NAALADL2: variants seen among roughly 807,000 people sequenced by gnomAD.
NAALADL2 encodes N-acetylated alpha-linked acidic dipeptidase like 2.
In NAALADL2, 76 loss-of-function variants were observed where a neutral mutation model predicts 87.2. The observed-to-expected ratio is 0.87, with a 90% confidence interval of 0.72 to 1.05. NAALADL2 has a LOEUF of 1.05. Among genes scored for constraint, NAALADL2 ranks in the 50% least tolerant of loss-of-function variants. NAALADL2 has a pLI of 0.00. For missense variants in NAALADL2, 1,089 were observed against 945.8 expected (o/e 1.15, Z -1.99); for synonymous variants, 354 against 331.0 (o/e 1.07, Z -0.75).
chr3:174,968,489 CT>C (rs1743170119), intron 1 of NAALADL2, among the ~76,000 whole-genome samples: 1 of 151,956 alleles, frequency 6.6e-6, no homozygotes. Flanking sequence ...ACTCCACAGC[CT>C]GTTTTTCTAA....
Position 175,276,502 on chromosome 3 carries a change from A to C in NAALADL2, c.939+19972A>C, listed in dbSNP as rs151039074. ...GTATTTTTACTAGAGACTGGGTTTC[A>C]CCATATTAACCAGGATGGTCTCGAT... On this transcript the variant is annotated intron_variant, in intron 4 of 13. Coordinates refer to ENST00000454872, the MANE Select transcript of NAALADL2 (RefSeq NM_207015.3). Among the ~76,000 whole-genome samples, 261 of 151,858 alleles carry C rather than the reference A, an allele frequency of 1.7e-3. 7 individuals are homozygous for C. The East Asian group carries it at 0.042, about 25-fold the overall frequency.
At chr3:175,326,022 C>A (rs1469869823) in intron 5 of NAALADL2, among the ~76,000 whole-genome samples, 1 of 152,142 alleles carries the variant, frequency 6.6e-6, no homozygotes, top group Non-Finnish European at 1.5e-5. Flanking sequence ...TTAAAAATTC[C>A]ATTTTAAAAC....
At chr3:174,570,345 T>G (rs563375919) in intron 2 of NAALADL2, among the ~76,000 whole-genome samples, 1 of 152,284 alleles carries the variant, frequency 6.6e-6, no homozygotes, top group African/African-American at 2.4e-5. Flanking sequence ...TTATTAACAT[T>G]TGTATAGCTA....
intron 3 of NAALADL2, among the ~76,000 whole-genome samples, chr3:174,812,079 G>A (rs1003229669): frequency 1.3e-5 from 2 of 152,054 alleles, no homozygotes; most frequent in Non-Finnish European, 1.5e-5. Context: ...GCCCTACTTT[G>A]TGTACAGCCT....
At chr3:175,414,141 T>C (rs571084117) in intron 5 of NAALADL2, among the ~76,000 whole-genome samples, 7 of 152,208 alleles carry the variant, frequency 4.6e-5, no homozygotes, top group Non-Finnish European at 7.3e-5. Context: ...TAACTTGTGT[T>C]TGCTTTGTGG....
intron 1 of NAALADL2, among the ~76,000 whole-genome samples, chr3:175,035,971 T>C (rs1049949339): frequency 6.6e-6 from 1 of 152,196 alleles, no homozygotes; most frequent in Non-Finnish European, 1.5e-5. Context: ...TTAGCTTGTA[T>C]AGATGAGGCA....
At chr3:174,632,715 T>C (rs12630426) in intron 2 of NAALADL2, among the ~76,000 whole-genome samples, 57,143 of 151,576 alleles carry the variant, frequency 0.38, 12,285 homozygotes, top group African/African-American at 0.58. Context: ...GCAGGCAGAT[T>C]GCGAGGTCAG....
At chr3:175,061,111 T>A (rs1304179510) in intron 1 of NAALADL2, among the ~76,000 whole-genome samples, 2 of 152,182 alleles carry the variant, frequency 1.3e-5, no homozygotes, top group Non-Finnish European at 2.9e-5. Flanking sequence ...TACATAGTCA[T>A]GCAGTCATCC....
chr3:175,435,896 T>A (rs981074946), intron 5 of NAALADL2, among the ~76,000 whole-genome samples: 1 of 150,300 alleles, frequency 6.7e-6, no homozygotes, highest in Admixed American at 6.7e-5. Flanking sequence ...CATGTGCACA[T>A]TGTGCAGGTT....
At chr3:175,738,193 G>GA (rs1056929233) in intron 12 of NAALADL2, among the ~76,000 whole-genome samples, 2 of 152,024 alleles carry the variant, frequency 1.3e-5, no homozygotes, top group Non-Finnish European at 2.9e-5. Context: ...GTAATCCTTT[G>GA]AAAATGGATC....
intron 13 of NAALADL2, among the ~76,000 whole-genome samples, chr3:175,767,901 C>T (rs998096733): frequency 6.6e-6 from 1 of 152,144 alleles, no homozygotes; most frequent in African/African-American, 2.4e-5. Context: ...AAAGCAGATT[C>T]GGTTCTACTT....
At chr3:174,820,254 T>C (rs1413077946) in intron 3 of NAALADL2, among the ~76,000 whole-genome samples, 2 of 152,156 alleles carry the variant, frequency 1.3e-5, no homozygotes, top group Non-Finnish European at 2.9e-5. Flanking sequence ...TGTTTTAGTA[T>C]ATGGAAATAG....
At chr3:174,933,531 G>C (rs529856501) in intron 1 of NAALADL2, among the ~76,000 whole-genome samples, 67 of 152,208 alleles carry the variant, frequency 4.4e-4, no homozygotes, top group African/African-American at 1.6e-3. Context: ...CAACTATGTT[G>C]TTCTTTTTCA....
intron 11 of NAALADL2, among the ~76,000 whole-genome samples, chr3:175,638,378 A>G (rs1199248568): frequency 6.6e-6 from 1 of 152,172 alleles, no homozygotes; most frequent in Non-Finnish European, 1.5e-5. Context: ...AGATGCTCTT[A>G]CTAAAATGGT....
At chr3:174,567,505 A>T (rs1200035088) in intron 2 of NAALADL2, among the ~76,000 whole-genome samples, 2 of 151,556 alleles carry the variant, frequency 1.3e-5, no homozygotes, top group Non-Finnish European at 3.0e-5. Flanking sequence ...TGCAAATTTT[A>T]GTGCATATTA....
chr3:174,535,698 G>A (rs1721660466), intron 1 of NAALADL2, among the ~76,000 whole-genome samples: 1 of 151,936 alleles, frequency 6.6e-6, no homozygotes, highest in Admixed American at 6.6e-5. Flanking sequence ...TCATTTCTCT[G>A]GGATCTGTAT....
chr3:175,292,736 A>G (rs1458055792), intron 4 of NAALADL2, among the ~76,000 whole-genome samples: 3 of 151,958 alleles, frequency 2.0e-5, no homozygotes, highest in African/African-American at 7.3e-5. Flanking sequence ...AGGTCTAGGG[A>G]CATAAAAATG....
intron 1 of NAALADL2, among the ~76,000 whole-genome samples, chr3:175,093,702 T>C (rs1720596031): frequency 6.6e-6 from 1 of 151,764 alleles, no homozygotes; most frequent in Non-Finnish European, 1.5e-5. Context: ...CCTGAAATAC[T>C]TTGGAGTTTG....
At chr3:174,845,198 C>G (rs556992401) in intron 3 of NAALADL2, among the ~76,000 whole-genome samples, 1 of 152,300 alleles carries the variant, frequency 6.6e-6, no homozygotes, top group South Asian at 2.1e-4. Context: ...GTGCAGGACT[C>G]TCTTCAGCAA....
Sources: allele counts gnomAD v4.1 joint callset (sites outside exome capture counted in the v4.1 genomes callset), GRCh38; gene constraint gnomAD v4.1.1; transcripts MANE v1.5; gene names NCBI Gene and HGNC (gene_info 2026-07-23, HGNC 2026-07-21).